The following MIR2052HG variants were observed in gnomAD, a reference collection of about 807,000 sequenced individuals.
MIR2052HG encodes the protein MIR2052 host gene.
intron 4 of MIR2052HG, among the ~76,000 whole-genome samples, chr8:74,750,559 AT>A (rs1457824564): frequency 6.9e-6 from 1 of 144,898 alleles, no homozygotes; most frequent in Non-Finnish European, 1.6e-5. Flanking sequence ...ATAAGAGGTC[AT>A]TTTGACAAGG....
intron 2 of MIR2052HG, among the ~76,000 whole-genome samples, chr8:74,623,420 C>T (rs1171717643): frequency 6.6e-6 from 1 of 152,076 alleles, no homozygotes; most frequent in African/African-American, 2.4e-5. Context: ...ACTCATGTCA[C>T]TGAAGTGTAC....
chr8:74,704,631 G>A lies in MIR2052HG; in HGVS notation n.371+949G>A, dbSNP rs148836079. On this transcript the variant is annotated intron_variant and non_coding_transcript_variant, in intron 4 of 6. Coordinates refer to ENST00000523442, the Ensembl canonical transcript of MIR2052HG. Reference sequence around the variant, plus strand: ...TTATTCTCCTCAGGATCCCAAAGTGGGGATAACTGCACTTAGAATTACAGT... The same window carrying A: ...TTATTCTCCTCAGGATCCCAAAGTGAGGATAACTGCACTTAGAATTACAGT... Among the ~76,000 whole-genome samples, 566 of 152,104 alleles carry A rather than the reference G, an allele frequency of 3.7e-3. 3 individuals carry two copies. Among genetic ancestry groups the A allele is most frequent in the Non-Finnish European group, 6.3e-3 (426 of 67,956 alleles).
intron 2 of MIR2052HG, among the ~76,000 whole-genome samples, chr8:74,701,825 C>T (rs1390017951): frequency 2.0e-5 from 3 of 152,088 alleles, no homozygotes; most frequent in Non-Finnish European, 2.9e-5. Context: ...GAGAGAAGAA[C>T]CTTATCTCTG....
intron 2 of MIR2052HG, among the ~76,000 whole-genome samples, chr8:74,620,388 A>C (rs538926115): frequency 6.6e-6 from 1 of 152,298 alleles, no homozygotes; most frequent in African/African-American, 2.4e-5. Context: ...TGGGGTCACC[A>C]ACCTCACGTT....
At chr8:74,714,446 T>A (rs764489615) in intron 4 of MIR2052HG, among the ~76,000 whole-genome samples, 1 of 152,142 alleles carries the variant, frequency 6.6e-6, no homozygotes, top group African/African-American at 2.4e-5. Context: ...ATAAAGTAAA[T>A]GAAAGTTATA....
At chr8:74,673,248 A>G (rs1809012394) in intron 2 of MIR2052HG, among the ~76,000 whole-genome samples, 1 of 152,090 alleles carries the variant, frequency 6.6e-6, no homozygotes, top group African/African-American at 2.4e-5. Flanking sequence ...CATAAGGAAC[A>G]GCAGAATCTA....
chr8:74,726,556 T>G lies in MIR2052HG; in HGVS notation n.371+22874T>G, dbSNP rs553459135. Among the ~76,000 whole-genome samples, 24 of 152,230 alleles carry G rather than the reference T, an allele frequency of 1.6e-4. 3 individuals are homozygous for G. Among genetic ancestry groups the G allele is most frequent in the African/African-American group, 5.5e-4 (23 of 41,534 alleles). On this transcript the variant is annotated intron_variant and non_coding_transcript_variant, in intron 4 of 6. Coordinates refer to ENST00000523442, the Ensembl canonical transcript of MIR2052HG. ...AGTTTTAATTTAAACATGTCTGGAG[T>G]GGGAAGGTGTCACACAAAGTAAATC...
chr8:74,698,066 A>G (rs1005605956), intron 2 of MIR2052HG, among the ~76,000 whole-genome samples: 1 of 152,322 alleles, frequency 6.6e-6, no homozygotes, highest in African/African-American at 2.4e-5. Flanking sequence ...CTAAGCAAAA[A>G]GAACAAATCT....
chr8:74,734,772 C>A (rs977146847), intron 4 of MIR2052HG, among the ~76,000 whole-genome samples: 2 of 152,238 alleles, frequency 1.3e-5, no homozygotes, highest in Non-Finnish European at 2.9e-5. Context: ...CTGACCCATG[C>A]AAGACCTTCA....
chr8:74,752,528 C>T (rs1809958649), exon 5 of MIR2052HG: 1 of 455,286 alleles, frequency 2.2e-6, no homozygotes, highest in Non-Finnish European at 4.4e-6. Flanking sequence ...AAGAGTTCAT[C>T]TGAAAGTAAG....
chr8:74,650,728 C>T (rs1808742837), intron 2 of MIR2052HG, among the ~76,000 whole-genome samples: 1 of 152,026 alleles, frequency 6.6e-6, no homozygotes, highest in African/African-American at 2.4e-5. Context: ...TTGGTCATTC[C>T]AGTGGGTTTT....
intron 4 of MIR2052HG, chr8:74,752,302 AGTAT>A: frequency 3.6e-6 from 1 of 279,818 alleles, no homozygotes; most frequent in Non-Finnish European, 7.0e-6. Context: ...AAAAAAAAAA[AGTAT>A]AGGATTTTAA....
intron 2 of MIR2052HG, among the ~76,000 whole-genome samples, chr8:74,692,593 G>A (rs945458683): frequency 8.5e-5 from 13 of 152,128 alleles, no homozygotes; most frequent in African/African-American, 3.1e-4. Flanking sequence ...TATTTATTTG[G>A]TACATTTTCC....
At chr8:74,699,909 C>T (rs1331883335) in intron 2 of MIR2052HG, among the ~76,000 whole-genome samples, 1 of 152,084 alleles carries the variant, frequency 6.6e-6, no homozygotes, top group African/African-American at 2.4e-5. Flanking sequence ...TAGAATAATA[C>T]TTGATTTAAC....
intron 2 of MIR2052HG, among the ~76,000 whole-genome samples, chr8:74,670,939 C>G (rs1808985077): frequency 6.6e-6 from 1 of 150,898 alleles, no homozygotes; most frequent in Non-Finnish European, 1.5e-5. Context: ...TCATTTTTTT[C>G]TCTCATTTAT....
At chr8:74,621,157 G>A (rs1393296300) in intron 2 of MIR2052HG, among the ~76,000 whole-genome samples, 1 of 152,186 alleles carries the variant, frequency 6.6e-6, no homozygotes, top group Non-Finnish European at 1.5e-5. Flanking sequence ...TTTGGTCAAA[G>A]CCATTCAACA....
At chr8:74,700,363 C>T (rs372377607) in intron 2 of MIR2052HG, among the ~76,000 whole-genome samples, 13 of 152,132 alleles carry the variant, frequency 8.5e-5, no homozygotes, top group African/African-American at 1.2e-4. Flanking sequence ...ATGTGTGAAA[C>T]GCCATGTTCA....
intron 4 of MIR2052HG, among the ~76,000 whole-genome samples, chr8:74,707,263 A>G (rs1458464946): frequency 6.6e-6 from 1 of 152,134 alleles, no homozygotes; most frequent in Non-Finnish European, 1.5e-5. Context: ...TTTAAAACCG[A>G]TTGAGTCTAA....
At chr8:74,648,583 G>C (rs138524322) in intron 2 of MIR2052HG, among the ~76,000 whole-genome samples, 1 of 152,020 alleles carries the variant, frequency 6.6e-6, no homozygotes, top group Non-Finnish European at 1.5e-5. Flanking sequence ...TCGCCATCAC[G>C]GTCCTACCAA....
Sources: gnomAD v4.1 joint callset for allele counts (sites outside exome capture counted in the v4.1 genomes callset) on GRCh38, gnomAD v4.1.1 for gene constraint, MANE v1.5 for transcripts, NCBI Gene and HGNC (gene_info 2026-07-23, HGNC 2026-07-21) for gene names.